The following LRRC37A variants were observed in gnomAD, a reference collection of about 807,000 sequenced individuals.
The protein encoded by LRRC37A is leucine-rich repeat-containing protein 37A.
A neutral mutation model predicts 35.4 loss-of-function variants in LRRC37A; 3 were observed. The ratio of observed to expected loss-of-function variants is 0.08; its 90% CI spans 0.04 to 0.22. The LOEUF (loss-of-function observed/expected upper bound fraction) is 0.22, where lower values mean the gene tolerates loss of function less well. Ranked by LOEUF, LRRC37A falls within the 10% of genes least tolerant of loss-of-function variation. The probability of loss-of-function intolerance (pLI) is 1.00; values close to 1 mark genes in which losing one functional copy is unlikely to be tolerated. For synonymous variants in LRRC37A, 23 were observed against 215.0 expected (o/e 0.11, Z 7.81); for missense variants, 67 against 565.3 (o/e 0.12, Z 8.94).
At chr17:46,284,970 C>A in the LRRC37A span, among the ~76,000 whole-genome samples, 1 of 152,150 alleles carries the variant, frequency 6.6e-6, no homozygotes, top group Admixed American at 6.5e-5. Context: ...CTCAAGTGAT[C>A]CTCTCACCTC....
the LRRC37A span, among the ~76,000 whole-genome samples, chr17:46,248,482 T>G: frequency 6.6e-6 from 1 of 152,062 alleles, no homozygotes; most frequent in Admixed American, 6.5e-5. Flanking sequence ...AATGAAATCA[T>G]ATAGCATGTA....
chr17:46,254,419 CTATT>C, the LRRC37A span, among the ~76,000 whole-genome samples: 5 of 151,226 alleles, frequency 3.3e-5, no homozygotes, highest in East Asian at 1.9e-4. Flanking sequence ...ATTTATCTAT[CTATT>C]TATTTATTTA....
chr17:46,317,335 A>C (rs1229949264), intron 5 of LRRC37A, among the ~76,000 whole-genome samples: 1 of 80,850 alleles, frequency 1.2e-5, no homozygotes, highest in Non-Finnish European at 3.7e-5. Context: ...CAGCACCTGC[A>C]TTGTTTTTGA....
the LRRC37A span, among the ~76,000 whole-genome samples, chr17:46,287,280 G>C: frequency 6.6e-6 from 1 of 152,244 alleles, no homozygotes; most frequent in South Asian, 2.1e-4. Context: ...GAATGAATGT[G>C]TGCAAAACTG....
the LRRC37A span, among the ~76,000 whole-genome samples, chr17:46,254,620 C>T: frequency 6.6e-6 from 1 of 151,636 alleles, no homozygotes; most frequent in African/African-American, 2.4e-5. Context: ...TGGCTCACTG[C>T]AACCTCCACC....
chr17:46,253,968 G>C, the LRRC37A span, among the ~76,000 whole-genome samples: 1 of 152,214 alleles, frequency 6.6e-6, no homozygotes, highest in Admixed American at 6.5e-5. Context: ...GATTAGAAGG[G>C]GGATGCAAGT....
At chr17:46,285,264 A>G in the LRRC37A span, among the ~76,000 whole-genome samples, 1 of 145,570 alleles carries the variant, frequency 6.9e-6, no homozygotes, top group African/African-American at 2.6e-5. Context: ...TTTTTGAGAC[A>G]GAGTCTCACA....
the LRRC37A span, among the ~76,000 whole-genome samples, chr17:46,256,430 A>G: frequency 6.6e-6 from 1 of 152,100 alleles, no homozygotes; most frequent in Admixed American, 6.6e-5. Flanking sequence ...AGAAGAGACC[A>G]GAGAGCCTTT....
At chr17:46,262,752 T>G in the LRRC37A span, among the ~76,000 whole-genome samples, 1 of 144,148 alleles carries the variant, frequency 6.9e-6, no homozygotes, top group Non-Finnish European at 1.5e-5. Context: ...GCCATTGCAC[T>G]CCAGCCTGGG....
the LRRC37A span, among the ~76,000 whole-genome samples, chr17:46,249,953 T>C: frequency 4.9e-3 from 742 of 152,260 alleles, 16 homozygotes; most frequent in African/African-American, 0.017. Context: ...TACAGGAGCC[T>C]GCCACCATGC....
chr17:46,274,112 C>T, the LRRC37A span, among the ~76,000 whole-genome samples: 1 of 152,228 alleles, frequency 6.6e-6, no homozygotes, highest in African/African-American at 2.4e-5. Flanking sequence ...ATTCTTTTGC[C>T]TTTCATGACC....
the LRRC37A span, among the ~76,000 whole-genome samples, chr17:46,251,654 G>A: frequency 0.018 from 2,379 of 131,322 alleles, no homozygotes; most frequent in Middle Eastern, 0.06. Context: ...TTGCCATAAA[G>A]GCTTGGTAAA....
the LRRC37A span, among the ~76,000 whole-genome samples, chr17:46,250,844 T>C: frequency 6.6e-6 from 1 of 152,188 alleles, no homozygotes; most frequent in Non-Finnish European, 1.5e-5. Flanking sequence ...CTCCTTCTCC[T>C]TGTCCTTCTC....
intron 7 of LRRC37A, among the ~76,000 whole-genome samples, chr17:46,327,108 G>A (rs2051776903): frequency 1.2e-5 from 1 of 86,496 alleles, no homozygotes; most frequent in African/African-American, 3.1e-5. Flanking sequence ...AAAGATAGCT[G>A]TCTTGTAAAT....
At chr17:46,277,917 C>G in the LRRC37A span, among the ~76,000 whole-genome samples, 4 of 152,032 alleles carry the variant, frequency 2.6e-5, no homozygotes, top group Non-Finnish European at 5.9e-5. Flanking sequence ...GCTAGGATTA[C>G]GGACATGAGC....
upstream of LRRC37A, among the ~76,000 whole-genome samples, chr17:46,292,080 C>A (rs1204954297): frequency 1.4e-5 from 2 of 143,630 alleles, no homozygotes; most frequent in African/African-American, 5.2e-5. Flanking sequence ...ACCTGCAATC[C>A]CAGCACTTTG....
the LRRC37A span, among the ~76,000 whole-genome samples, chr17:46,265,274 TTC>T: frequency 1.3e-5 from 1 of 75,430 alleles, no homozygotes; most frequent in Non-Finnish European, 3.5e-5. Flanking sequence ...CTTCTTCTTC[TTC>T]TTCTTCTTCT....
chr17:46,259,524 G>C, the LRRC37A span: 1 of 1,605,944 alleles, frequency 6.2e-7, no homozygotes, highest in Non-Finnish European at 8.5e-7. Context: ...GCCCATTCGG[G>C]CTGCCTGTGG....
chr17:46,288,458 G>A (rs2458220), upstream of LRRC37A, among the ~76,000 whole-genome samples: 9,011 of 134,418 alleles, frequency 0.067, no homozygotes, highest in Non-Finnish European at 0.11. Flanking sequence ...ACAGGTGTGT[G>A]CCACCACATC....
Sources: gnomAD v4.1 joint callset for allele counts (sites outside exome capture counted in the v4.1 genomes callset) on GRCh38, gnomAD v4.1.1 for gene constraint, MANE v1.5 for transcripts, NCBI Gene and HGNC (gene_info 2026-07-23, HGNC 2026-07-21) for gene names.